RAB3C: variants seen among roughly 807,000 people sequenced by gnomAD.
RAB3C encodes ras-related protein Rab-3C.
Under a neutral mutation model 26.4 loss-of-function variants are expected in RAB3C, and 17 were observed. That is an observed-to-expected ratio of 0.64 (90% CI 0.44 to 0.97). RAB3C has a LOEUF of 0.97. Among genes scored for constraint, RAB3C ranks in the 50% least tolerant of loss-of-function variants. RAB3C has a pLI of 0.00. For synonymous variants in RAB3C, 91 were observed against 95.9 expected (o/e 0.95, Z 0.30); for missense variants, 242 against 281.9 (o/e 0.86, Z 1.01).
rs1358310348 is a variant in RAB3C at position 58,857,812 on chromosome 5, A to G, written c.*6461A>G. 6.6e-6 allele frequency: 1 copy of G among 152,202 alleles called. No homozygotes were observed. Among genetic ancestry groups the G allele is most frequent in the Non-Finnish European group, 1.5e-5 (1 of 68,034 alleles). 9.4% of individuals were successfully genotyped at this position (152,202 alleles called of 1,614,324 possible). A position where few individuals can be genotyped will look rare whatever the true frequency, so the allele number is the denominator to read the frequency against. On this transcript the variant is annotated 3_prime_UTR_variant, in exon 5 of 5. Transcript: ENST00000282878. The stretch of plus-strand genomic sequence containing the variant: ...ATTCATCCTCAAACTCCCTTGTTTA[A>G]TGCTAATTGGTGGCCTGGAACTTCA...
At chr5:58,612,542 ATATATG>A (rs1186695256) in intron 1 of RAB3C, among the ~76,000 whole-genome samples, 787 of 56,008 alleles carry the variant, frequency 0.014, 9 homozygotes, top group African/African-American at 0.025. Context: ...ATATATATAT[ATATATG>A]TATATATATA....
chr5:58,837,509 C>T (rs1200486975), intron 4 of RAB3C, among the ~76,000 whole-genome samples: 1 of 147,562 alleles, frequency 6.8e-6, no homozygotes, highest in Non-Finnish European at 1.5e-5. Context: ...TGAGAAATGC[C>T]TGTTATTGGT....
At chr5:58,585,755 C>A (rs1319839254) in intron 1 of RAB3C, among the ~76,000 whole-genome samples, 1 of 151,956 alleles carries the variant, frequency 6.6e-6, no homozygotes, top group East Asian at 1.9e-4. Context: ...AAGAGTATTT[C>A]TTTCTGAATT....
At chr5:58,589,736 G>T (rs1050163219) in intron 1 of RAB3C, among the ~76,000 whole-genome samples, 10 of 152,104 alleles carry the variant, frequency 6.6e-5, no homozygotes, top group African/African-American at 2.4e-4. Context: ...GACTCCGCAG[G>T]TATAATTAAT....
At chr5:58,823,359 A>C (rs1237290120) in intron 3 of RAB3C, 1 of 172,290 alleles carries the variant, frequency 5.8e-6, no homozygotes, top group African/African-American at 2.4e-5. Context: ...GTTTCTGCAA[A>C]AACAATTTAT....
chr5:58,739,884 A>G (rs1431456651), intron 3 of RAB3C, among the ~76,000 whole-genome samples: 1 of 152,224 alleles, frequency 6.6e-6, no homozygotes, highest in East Asian at 1.9e-4. Flanking sequence ...TCTTTTTTGT[A>G]CTTTTCCTTT....
Position 58,698,021 on chromosome 5 carries a change from G to T in RAB3C, c.253-27981G>T, listed in dbSNP as rs191856187. Among the ~76,000 whole-genome samples, 25 of 152,256 alleles carry T rather than the reference G, an allele frequency of 1.6e-4. 1 individual carries two copies. Among genetic ancestry groups the T allele is most frequent in the Admixed American group, 1.4e-3 (21 of 15,290 alleles). On this transcript the variant is annotated intron_variant, in intron 2 of 4. Coordinates refer to ENST00000282878, the MANE Select transcript of RAB3C (RefSeq NM_138453.4). ...ATGCAGTTTCTTCATAGCATCGATG[G>T]TCTTTACAATTTGGGATGTTTTTGC... is the stretch of plus-strand genomic sequence containing the variant.
intron 3 of RAB3C, among the ~76,000 whole-genome samples, chr5:58,734,162 G>A (rs75922399): frequency 0.015 from 2,274 of 152,230 alleles, 45 homozygotes; most frequent in African/African-American, 0.052. Context: ...CTGCAGATAT[G>A]CTGAAACTAG....
intron 3 of RAB3C, among the ~76,000 whole-genome samples, chr5:58,789,803 T>C (rs970185059): frequency 6.6e-6 from 1 of 152,224 alleles, no homozygotes; most frequent in Non-Finnish European, 1.5e-5. Context: ...AAGTAAATAA[T>C]TCTATCCTGA....
intron 2 of RAB3C, among the ~76,000 whole-genome samples, chr5:58,624,623 G>C (rs550122617): frequency 1.7e-4 from 26 of 152,268 alleles, no homozygotes; most frequent in African/African-American, 6.3e-4. Flanking sequence ...CTCTACTTTT[G>C]TCGAAAATTT....
At chr5:58,805,430 C>G (rs1320294753) in intron 3 of RAB3C, among the ~76,000 whole-genome samples, 2 of 151,552 alleles carry the variant, frequency 1.3e-5, no homozygotes, top group African/African-American at 4.8e-5. Context: ...ACTAAAAATA[C>G]AAAAATTAGC....
chr5:58,631,374 G>A (rs962142749), intron 2 of RAB3C, among the ~76,000 whole-genome samples: 10 of 152,122 alleles, frequency 6.6e-5, no homozygotes, highest in African/African-American at 2.2e-4. Flanking sequence ...ACAAGCTCCT[G>A]GAATCTGAAA....
rs113708245 is a variant in RAB3C at position 58,825,290 on chromosome 5, C to T, written c.496+128C>T. 230 of 987,564 alleles carry T rather than the reference C, an allele frequency of 2.3e-4. No homozygotes were observed. In the African/African-American group the frequency reaches 3.2e-3, roughly 14 times the overall value. 61.2% of individuals were successfully genotyped at this position (987,564 alleles called of 1,614,324 possible). On this transcript the variant is annotated intron_variant, in intron 4 of 4. Coordinates refer to ENST00000282878, the MANE Select transcript of RAB3C (RefSeq NM_138453.4). ...TTGTCAATCTAAGAGTGGAAAGCAA[C>T]ATAATCCTCCCTAAGTGGACAATAT...
intron 3 of RAB3C, among the ~76,000 whole-genome samples, chr5:58,817,769 A>G (rs766769237): frequency 1.3e-5 from 2 of 151,962 alleles, no homozygotes; most frequent in African/African-American, 2.4e-5. Flanking sequence ...TAATTTTTAA[A>G]AGCTCTCTGA....
intron 2 of RAB3C, among the ~76,000 whole-genome samples, chr5:58,689,926 G>T (rs922221686): frequency 3.9e-5 from 6 of 152,074 alleles, no homozygotes; most frequent in African/African-American, 1.4e-4. Context: ...TCAATATTTA[G>T]CAAAAGCCCA....
At chr5:58,709,400 G>A (rs1279058220) in intron 2 of RAB3C, among the ~76,000 whole-genome samples, 2 of 152,178 alleles carry the variant, frequency 1.3e-5, no homozygotes, top group Non-Finnish European at 1.5e-5. Flanking sequence ...CCACAGAGGC[G>A]AGTCCACAAT....
chr5:58,653,792 A>T (rs1187170948), intron 2 of RAB3C, among the ~76,000 whole-genome samples: 1 of 152,192 alleles, frequency 6.6e-6, no homozygotes, highest in Non-Finnish European at 1.5e-5. Flanking sequence ...AAAGATCTGG[A>T]CATCATTAGT....
At chr5:58,702,400 C>T (rs1748863498) in intron 2 of RAB3C, among the ~76,000 whole-genome samples, 1 of 152,122 alleles carries the variant, frequency 6.6e-6, no homozygotes, top group Non-Finnish European at 1.5e-5. Flanking sequence ...TTAGGCTATT[C>T]TTGCCCTACA....
In RAB3C at chr5:58,617,838, A is replaced by T; in HGVS notation, c.220A>T (p.Lys74Ter). Residue 74 changes from lysine (K) to a stop codon, truncating the protein, a stop_gained, in exon 2 of 5, where the codon AAA becomes TAA. Transcript: ENST00000282878. LOFTEE classifies it high-confidence loss of function. ...GIDFKVKTVF[K>*]NEKRIKLQIW... ...CGATTTCAAAGTAAAAACTGTATTCAAAAATGAAAAGAGAATCAAGCTTCA... is the reference window on the plus strand; with the variant it reads ...CGATTTCAAAGTAAAAACTGTATTCTAAAATGAAAAGAGAATCAAGCTTCA... 1 of 1,612,058 alleles carries T rather than the reference A, an allele frequency of 6.2e-7. No individual in the cohort carries two copies. The highest frequency in any genetic ancestry group is 8.5e-7 in the Non-Finnish European group (1 of 1,178,584).
Sources: gnomAD v4.1 joint callset for allele counts (sites outside exome capture counted in the v4.1 genomes callset) on GRCh38, gnomAD v4.1.1 for gene constraint, MANE v1.5 for transcripts, NCBI Gene and HGNC (gene_info 2026-07-23, HGNC 2026-07-21) for gene names.